Variants in NRROS observed in about 807,000 individuals in gnomAD.
NRROS encodes transforming growth factor beta activator LRRC33.
In NRROS, 6 loss-of-function variants were observed where a neutral mutation model predicts 12.0. The observed-to-expected ratio is 0.50, with a 90% CI of 0.27 to 0.98. The LOEUF is 0.98. NRROS is among the 50% of genes least tolerant of loss of function. NRROS has a pLI of 0.11. For missense variants in NRROS, 857 were observed against 888.2 expected (o/e 0.96, Z 0.45); for synonymous variants, 462 against 410.2 (o/e 1.13, Z -1.53).
rs565210110 is a variant in NRROS, at chr3:196,648,202, T to C, written c.-13-6325T>C. 7.2e-5 allele frequency among the ~76,000 whole-genome samples: 11 copies of C among 152,324 alleles called. No homozygotes were observed. In the East Asian group the frequency reaches 1.9e-3, roughly 27 times the overall value. On this transcript the variant is annotated intron_variant, in intron 1 of 2. Transcript: ENST00000328557. ...ACTTACAGAAAAGTTTACAAGAAAG[T>C]ACAATACTAAATTTACCGAGTAGTA... is the stretch of plus-strand genomic sequence containing the variant.
At chr3:196,655,319 G>T (rs932115028) in intron 2 of NRROS, among the ~76,000 whole-genome samples, 3 of 151,606 alleles carry the variant, frequency 2.0e-5, no homozygotes, top group Admixed American at 1.3e-4. Flanking sequence ...CGGATCACCT[G>T]AGGTCAGGAG....
At chr3:196,658,036 C>T (rs769990835) in intron 2 of NRROS, among the ~76,000 whole-genome samples, 17 of 152,182 alleles carry the variant, frequency 1.1e-4, no homozygotes, top group African/African-American at 1.2e-4. Flanking sequence ...CTTTCGGTTC[C>T]GTAACCATCC....
At chr3:196,640,346 T>C (rs1288756637) in intron 1 of NRROS, among the ~76,000 whole-genome samples, 1 of 152,152 alleles carries the variant, frequency 6.6e-6, no homozygotes, top group African/African-American at 2.4e-5. Flanking sequence ...TCCCACAACG[T>C]GGATTGAGAA....
chr3:196,653,141 G>A (rs77953546), intron 1 of NRROS, among the ~76,000 whole-genome samples: 1,989 of 152,164 alleles, frequency 0.013, 42 homozygotes, highest in African/African-American at 0.044. Context: ...TCCCTGTGCC[G>A]GCCACAAGGC....
intron 1 of NRROS, among the ~76,000 whole-genome samples, chr3:196,651,562 A>T (rs6583334): frequency 0.071 from 10,812 of 152,076 alleles, 717 homozygotes; most frequent in African/African-American, 0.18. Context: ...AGGTCATGAG[A>T]TTGAGACCAG....
chr3:196,657,227 A>G (rs1264681009), intron 2 of NRROS, among the ~76,000 whole-genome samples: 1 of 151,476 alleles, frequency 6.6e-6, no homozygotes, highest in Non-Finnish European at 1.5e-5. Flanking sequence ...AGAAAAAGAA[A>G]GTGGACATGG....
Position 196,659,921 on chromosome 3 carries a change from T to G in NRROS, c.278T>G (p.Leu93Arg). The change falls in exon 3 of 3, where the codon CTG becomes CGG. Residue 93 changes from leucine to arginine, a missense_variant. Leu to Arg is a moderately radical substitution (Grantham distance 102). Coordinates refer to ENST00000328557, the MANE Select transcript of NRROS (RefSeq NM_198565.3). ...AGCCTCAGCCTGCACAGCTGCCACC[T>G]GGAGCGCATCAGCCGCGGCGCCTTC... Reference protein sequence around the residue: ...LESLSLHSCHLERISRGAFQE... With the variant: ...LESLSLHSCHRERISRGAFQE... 3 of 1,614,114 alleles carry G rather than the reference T, an allele frequency of 1.9e-6. No individual in the cohort carries two copies. Among genetic ancestry groups the G allele is most frequent in the Non-Finnish European group, 2.5e-6 (3 of 1,180,010 alleles).
intron 1 of NRROS, among the ~76,000 whole-genome samples, chr3:196,641,926 CACTT>C (rs1560338487): frequency 6.6e-6 from 1 of 152,232 alleles, no homozygotes; most frequent in Non-Finnish European, 1.5e-5. Context: ...GTGTATGACA[CACTT>C]ACAGATGTCT....
intron 2 of NRROS, among the ~76,000 whole-genome samples, chr3:196,655,694 G>T (rs1737525809): frequency 6.6e-6 from 1 of 152,200 alleles, no homozygotes; most frequent in South Asian, 2.1e-4. Flanking sequence ...AGGACTTGCT[G>T]CCATGCCACT....
At chr3:196,651,596 A>G (rs768063772) in intron 1 of NRROS, among the ~76,000 whole-genome samples, 18 of 152,234 alleles carry the variant, frequency 1.2e-4, no homozygotes, top group Non-Finnish European at 2.2e-4. Flanking sequence ...GTGGAACCTC[A>G]TCTCTACTAA....
At position 196,660,406 on chromosome 3, in the gene NRROS, C is replaced by T; in HGVS notation, c.763C>T (p.Leu255=). 6.2e-7 allele frequency: 1 copy of T among 1,613,930 alleles called. No homozygotes were observed. The highest frequency in any genetic ancestry group is 8.5e-7 in the Non-Finnish European group (1 of 1,179,920). ...AGAGGCTGCCTTCGAGCTGGAGACG[C>T]TGGACCTGTCTCACAACCAGCTGCT... is the stretch of plus-strand genomic sequence containing the variant. ...GGEAAFELET[L]DLSHNQLLFF... Residue 255 remains leucine (L), a synonymous_variant, in exon 3 of 3, where the codon CTG becomes TTG. Transcript: ENST00000328557. This position sits in a 1 kb window ranked among gnomAD's most constrained non-coding sequence, Gnocchi z 7.7.
In NRROS at chr3:196,640,734, A is replaced by G. The variant is rs549671777; in HGVS notation, c.-14+859A>G. Reference sequence around the variant, plus strand: ...GTGGCTTTGTGCTGCCTCTGAGAGAAGGTGGACACGTGCCAGTTGGTGGCT... The same window carrying G: ...GTGGCTTTGTGCTGCCTCTGAGAGAGGGTGGACACGTGCCAGTTGGTGGCT... On this transcript the variant is annotated intron_variant, in intron 1 of 2. Transcript: ENST00000328557. Among the ~76,000 whole-genome samples the G allele has an allele frequency of 1.9e-4, 29 of 152,276 alleles. No homozygotes were observed. In the East Asian group the frequency reaches 4.4e-3, roughly 23 times the overall value.
At position 196,660,364 on chromosome 3, in the gene NRROS, T is replaced by A; in HGVS notation, c.721T>A (p.Phe241Ile). Reference protein sequence around the residue: ...LNVSYNVLEWFLATGGEAAFE... With the variant: ...LNVSYNVLEWILATGGEAAFE... Reference sequence around the variant, plus strand: ...CGTCAGCTACAACGTCCTGGAGTGGTTCCTCGCGACCGGGGGAGAGGCTGC... The same window carrying A: ...CGTCAGCTACAACGTCCTGGAGTGGATCCTCGCGACCGGGGGAGAGGCTGC... Residue 241 changes from phenylalanine to isoleucine, a missense_variant, in exon 3 of 3, where the codon TTC becomes ATC. Coordinates refer to ENST00000328557, the MANE Select transcript of NRROS (RefSeq NM_198565.3). This position sits in a 1 kb window ranked among gnomAD's most constrained non-coding sequence, Gnocchi z 7.7. 3.7e-6 allele frequency: 6 copies of A among 1,613,966 alleles called. No homozygotes were observed. The highest frequency in any genetic ancestry group is 3.4e-6 in the Non-Finnish European group (4 of 1,179,972).
chr3:196,643,565 GGA>G (rs34079778), intron 1 of NRROS, among the ~76,000 whole-genome samples: 87,235 of 151,944 alleles, frequency 0.57, 27,059 homozygotes, highest in East Asian at 0.77. Flanking sequence ...ATTTCTCCCA[GGA>G]GAGAGAGCAC....
intron 1 of NRROS, among the ~76,000 whole-genome samples, chr3:196,644,255 T>C (rs566103992): frequency 2.0e-5 from 3 of 152,208 alleles, no homozygotes; most frequent in African/African-American, 4.8e-5. Flanking sequence ...TCAGGGGTGC[T>C]GTTCAGAATA....
chr3:196,646,292 C>T (rs902908643), intron 1 of NRROS, among the ~76,000 whole-genome samples: 1 of 152,250 alleles, frequency 6.6e-6, no homozygotes, highest in Non-Finnish European at 1.5e-5. Context: ...GCCACTCCCT[C>T]AGAAGTGACC....
intron 1 of NRROS, among the ~76,000 whole-genome samples, chr3:196,647,523 A>G (rs1031535698): frequency 1.3e-5 from 2 of 152,212 alleles, no homozygotes; most frequent in Non-Finnish European, 1.5e-5. Context: ...AAATATAGGA[A>G]TGTGTTAATT....
intron 1 of NRROS, among the ~76,000 whole-genome samples, chr3:196,645,754 G>T (rs1005169919): frequency 6.6e-6 from 1 of 152,162 alleles, no homozygotes; most frequent in Non-Finnish European, 1.5e-5. Flanking sequence ...CCACTAAGCC[G>T]CTGTCATCAC....
chr3:196,658,632 T>C (rs1737586377), intron 2 of NRROS, among the ~76,000 whole-genome samples: 1 of 152,176 alleles, frequency 6.6e-6, no homozygotes, highest in African/African-American at 2.4e-5. Flanking sequence ...CTGATAAACT[T>C]GTGCAAACGA....
Sources: allele counts gnomAD v4.1 joint callset (sites outside exome capture counted in the v4.1 genomes callset), GRCh38; gene constraint gnomAD v4.1.1; non-coding constraint Gnocchi (gnomAD v3.1); transcripts MANE v1.5; gene names NCBI Gene and HGNC (gene_info 2026-07-23, HGNC 2026-07-21).